KCNAB1: variants seen among roughly 807,000 people sequenced by gnomAD.
KCNAB1 encodes voltage-gated potassium channel subunit beta-1.
In KCNAB1, 35 loss-of-function variants were observed where a neutral mutation model predicts 64.6. That is an observed-to-expected ratio of 0.54 (90% CI 0.41 to 0.72). The LOEUF (loss-of-function observed/expected upper bound fraction) is 0.72, where lower values mean the gene tolerates loss of function less well. KCNAB1 is among the 30% of genes least tolerant of loss of function. The pLI, the probability that KCNAB1 is intolerant of heterozygous loss-of-function variation, is 0.00. For missense variants in KCNAB1, 401 were observed against 512.9 expected, an observed-to-expected ratio of 0.78 and a Z score of 2.11; for synonymous variants, 177 against 183.8, an observed-to-expected ratio of 0.96 and a Z score of 0.30.
At chr3:156,191,055 C>G (rs1212486458) in intron 1 of KCNAB1, among the ~76,000 whole-genome samples, 1 of 152,226 alleles carries the variant, frequency 6.6e-6, no homozygotes, top group Non-Finnish European at 1.5e-5. Flanking sequence ...AATGCAGGAG[C>G]AGAGGCTCAT....
At chr3:156,451,565 T>C (rs1188264570) in intron 2 of KCNAB1, among the ~76,000 whole-genome samples, 1 of 141,596 alleles carries the variant, frequency 7.1e-6, no homozygotes, top group African/African-American at 3.2e-5. Flanking sequence ...TAGTATACTG[T>C]CTGGCATTTG....
intron 1 of KCNAB1, among the ~76,000 whole-genome samples, chr3:156,211,182 T>TTA (rs1183278045): frequency 1.6e-4 from 25 of 152,196 alleles, no homozygotes; most frequent in Admixed American, 4.6e-4. Flanking sequence ...GAGAATCAAA[T>TTA]TATCATGACT....
intron 8 of KCNAB1, among the ~76,000 whole-genome samples, chr3:156,497,866 C>G (rs568472701): frequency 6.6e-6 from 1 of 152,274 alleles, no homozygotes; most frequent in South Asian, 2.1e-4. Context: ...GATATAGATA[C>G]ATAGGGTCTT....
At chr3:156,351,703 G>GTC (rs764773610) in intron 1 of KCNAB1, among the ~76,000 whole-genome samples, 1 of 152,340 alleles carries the variant, frequency 6.6e-6, no homozygotes, top group East Asian at 1.9e-4. Context: ...ATGGGTAAGA[G>GTC]TCTTGCCTCA....
chr3:156,276,046 T>C (rs540633554), intron 1 of KCNAB1, among the ~76,000 whole-genome samples: 7 of 152,330 alleles, frequency 4.6e-5, no homozygotes, highest in African/African-American at 1.4e-4. Flanking sequence ...TTATGAAATG[T>C]ATTTCCTAAA....
At chr3:156,509,901 AGT>A (rs1425593016) in intron 8 of KCNAB1, among the ~76,000 whole-genome samples, 1 of 152,166 alleles carries the variant, frequency 6.6e-6, no homozygotes, top group African/African-American at 2.4e-5. Context: ...GCTGCCCTCT[AGT>A]GTTCTTAATT....
At chr3:156,241,809 C>A (rs933825981) in intron 1 of KCNAB1, among the ~76,000 whole-genome samples, 3 of 152,046 alleles carry the variant, frequency 2.0e-5, no homozygotes, top group African/African-American at 2.4e-5. Flanking sequence ...ATGGAATAAA[C>A]TTTCCAGTGT....
intron 1 of KCNAB1, among the ~76,000 whole-genome samples, chr3:156,212,953 G>A (rs1186999629): frequency 6.6e-6 from 1 of 152,128 alleles, no homozygotes; most frequent in Non-Finnish European, 1.5e-5. Flanking sequence ...AGCCGTGGAA[G>A]GCTTTTAAGG....
chr3:156,191,616 G>GGTTC (rs1713568843), intron 1 of KCNAB1, among the ~76,000 whole-genome samples: 1 of 152,088 alleles, frequency 6.6e-6, no homozygotes, highest in South Asian at 2.1e-4. Flanking sequence ...AATGTGCCCG[G>GGTTC]GTTCTTACAG....
Position 156,452,955 on chromosome 3 carries a change from C to G in KCNAB1, c.357+19C>G, listed in dbSNP as rs557734644. Reference sequence around the variant, plus strand: ...AGATGAGGTAAGTTACCTTTGGCCTCTATTATGCTAATGAAAGAAAATGCA... The same window carrying G: ...AGATGAGGTAAGTTACCTTTGGCCTGTATTATGCTAATGAAAGAAAATGCA... On this transcript the variant is annotated intron_variant, in intron 3 of 13. Transcript: ENST00000490337. This position sits in a 1 kb window ranked among gnomAD's most constrained non-coding sequence, Gnocchi z 4.6. 2 of 1,576,904 alleles carry G rather than the reference C, an allele frequency of 1.3e-6. No homozygotes were observed. Among genetic ancestry groups the G allele is most frequent in the South Asian group, 2.3e-5 (2 of 87,436 alleles).
At chr3:156,218,620 A>AC (rs1442014065) in intron 1 of KCNAB1, among the ~76,000 whole-genome samples, 4 of 151,494 alleles carry the variant, frequency 2.6e-5, no homozygotes, top group African/African-American at 9.7e-5. Context: ...ACAACCAAGG[A>AC]CCCTTACAGA....
At chr3:156,288,683 G>T (rs1246930890) in intron 1 of KCNAB1, among the ~76,000 whole-genome samples, 1 of 152,196 alleles carries the variant, frequency 6.6e-6, no homozygotes, top group African/African-American at 2.4e-5. Context: ...ACTGTGGGCA[G>T]CCAGAAAGAG....
At chr3:156,195,276 T>G (rs1265889958) in intron 1 of KCNAB1, among the ~76,000 whole-genome samples, 1 of 152,220 alleles carries the variant, frequency 6.6e-6, no homozygotes, top group Non-Finnish European at 1.5e-5. Flanking sequence ...AGTAGAATGA[T>G]TTATAATCCT....
At chr3:156,387,724 C>G (rs1712721167) in intron 1 of KCNAB1, among the ~76,000 whole-genome samples, 1 of 152,182 alleles carries the variant, frequency 6.6e-6, no homozygotes, top group African/African-American at 2.4e-5. Context: ...CAGGGGCAAT[C>G]TTGCAGCCAT....
At chr3:156,436,721 G>A (rs778998679) in intron 2 of KCNAB1, among the ~76,000 whole-genome samples, 12 of 152,206 alleles carry the variant, frequency 7.9e-5, no homozygotes, top group Non-Finnish European at 1.6e-4. Flanking sequence ...CTTCTTTTGA[G>A]AAGTGTCTGT....
intron 1 of KCNAB1, among the ~76,000 whole-genome samples, chr3:156,195,998 T>C (rs1713898527): frequency 6.6e-6 from 1 of 152,366 alleles, no homozygotes; most frequent in South Asian, 2.1e-4. Flanking sequence ...TTCAGTTTTC[T>C]GCATATGGCT....
At chr3:156,515,341 T>C in intron 10 of KCNAB1, 121 bp downstream of exon 10, 1 of 876,278 alleles carries the variant, frequency 1.1e-6, no homozygotes, top group Non-Finnish European at 1.7e-6. Context: ...AACATAGACA[T>C]TGTAAGAACC....
chr3:156,268,310 G>A (rs1264576634), intron 1 of KCNAB1, among the ~76,000 whole-genome samples: 2 of 151,976 alleles, frequency 1.3e-5, no homozygotes, highest in African/African-American at 4.8e-5. Context: ...CTTGACTATT[G>A]TGAATAGTGC....
At chr3:156,143,399 C>G in intron 1 of KCNAB1, 1 of 1,593,756 alleles carries the variant, frequency 6.3e-7, no homozygotes, top group Non-Finnish European at 8.5e-7. Context: ...ACCACCAGAG[C>G]AGAGACGGGC....
Sources: allele counts gnomAD v4.1 joint callset (sites outside exome capture counted in the v4.1 genomes callset), GRCh38; gene constraint gnomAD v4.1.1; non-coding constraint Gnocchi (gnomAD v3.1); transcripts MANE v1.5; gene names NCBI Gene and HGNC (gene_info 2026-07-23, HGNC 2026-07-21).